Variants in OR13A1 observed in about 807,000 individuals in gnomAD.
OR13A1 encodes olfactory receptor family 13 subfamily A member 1.
In OR13A1, 10 loss-of-function variants were observed where a neutral mutation model predicts 7.5. The observed-to-expected ratio is 1.34, with a 90% CI of 0.83 to 2.27. The LOEUF (loss-of-function observed/expected upper bound fraction) is 2.27. OR13A1 is among the 30% of genes most tolerant of loss of function. OR13A1 has a pLI of 0.00. For missense variants in OR13A1, 509 were observed against 419.1 expected (o/e 1.21, Z -1.87); for synonymous variants, 238 against 177.9 (o/e 1.34, Z -2.69).
At chr10:45,314,079 TA>T (rs1838486536) in intron 1 of OR13A1, among the ~76,000 whole-genome samples, 1 of 151,918 alleles carries the variant, frequency 6.6e-6, no homozygotes, top group Admixed American at 6.6e-5. Flanking sequence ...GAAAATGACA[TA>T]AAACTAGACA....
chr10:45,305,816 C>A (rs1163788008), intron 3 of OR13A1, among the ~76,000 whole-genome samples: 1 of 152,320 alleles, frequency 6.6e-6, no homozygotes, highest in African/African-American at 2.4e-5. Flanking sequence ...CATCCCTTCC[C>A]TGGGGAGAAA....
chr10:45,308,862 G>C (rs185256580), intron 1 of OR13A1: 1 of 152,158 alleles, frequency 6.6e-6, no homozygotes, highest in Non-Finnish European at 1.5e-5. Flanking sequence ...GTTCAGGACT[G>C]AACAAGGTTT....
At position 45,304,126 on chromosome 10, in the gene OR13A1, C is replaced by T. The variant is rs369298405; in HGVS notation, c.297G>A (p.Ala99=). The change falls in exon 4 of 4, where the codon GCG becomes GCA. Residue 99 remains alanine, a synonymous_variant. Transcript: ENST00000553795. The part of the protein sequence containing the change: ...IICTSSIMPK[A]LASLVSEESS... ...TCTCTTCCGACACCAGACTGGCCAG[C>T]GCCTTGGGCATGATGGAAGAGGTGC... 8.7e-6 allele frequency: 14 copies of T among 1,614,030 alleles called. No homozygotes were observed. In the African/African-American group the frequency reaches 1.3e-4, roughly 15 times the overall value.
rs1588940324 is a variant in OR13A1, at chr10:45,303,828, C to A, written c.595G>T (p.Val199Phe). The A allele has an allele frequency of 6.2e-7, 1 of 1,612,926 alleles. No homozygotes were observed. The highest frequency in any genetic ancestry group is 1.3e-5 in the African/African-American group (1 of 75,050). Reference protein sequence around the residue: ...PNVIIHFFCEVPPLLLLSCSS... With the variant: ...PNVIIHFFCEFPPLLLLSCSS... ...CAGGAGAGAAGCAGCAGGGGAGGGA[C>A]CTCGCAGAAGAAATGGATAATGACA... Residue 199 changes from valine (V) to phenylalanine (F), a missense_variant, in exon 4 of 4, where the codon GTC becomes TTC. By Grantham distance (50) the Val-to-Phe change is conservative. Coordinates refer to ENST00000553795, the MANE Select transcript of OR13A1 (RefSeq NM_001004297.3).
chr10:45,310,336 A>G (rs1431643112), intron 1 of OR13A1, among the ~76,000 whole-genome samples: 6 of 152,212 alleles, frequency 3.9e-5, no homozygotes, highest in Non-Finnish European at 8.8e-5. Context: ...CCACTAAGTC[A>G]TTAAAGGATT....
At position 45,302,679 on chromosome 10, in the gene OR13A1, G is replaced by C. The variant is rs1838229497; in HGVS notation, c.*757C>G. 1.3e-5 allele frequency: 2 copies of C among 152,150 alleles called. No individual in the cohort carries two copies. Among genetic ancestry groups the C allele is most frequent in the Non-Finnish European group, 2.9e-5 (2 of 68,032 alleles). 9.4% of individuals were successfully genotyped at this position (152,150 alleles called of 1,614,324 possible). On this transcript the variant is annotated 3_prime_UTR_variant, in exon 4 of 4. Coordinates refer to ENST00000553795, the MANE Select transcript of OR13A1 (RefSeq NM_001004297.3). ...GTAATAGCATGGAGCACAAGCACAA[G>C]ACCTGTCTTTATTAGACACAGAGGA...
In OR13A1 at chr10:45,304,306, T is replaced by C. The variant is rs1838283816; in HGVS notation, c.117A>G (p.Pro39=). The change falls in exon 4 of 4, where the codon CCA becomes CCG. Residue 39 remains proline, a synonymous_variant. Coordinates refer to ENST00000553795, the MANE Select transcript of OR13A1 (RefSeq NM_001004297.3). ...EFILQGFSEH[P]EYRVFLFSCF... ...AGCTGAATAAGAACACCCGGTATTC[T>C]GGGTGCTCCGAAAAGCCCTGCAGGA... 1 of 1,614,158 alleles carries C rather than the reference T, an allele frequency of 6.2e-7. No homozygotes were observed. The highest frequency in any genetic ancestry group is 8.5e-7 in the Non-Finnish European group (1 of 1,180,006).
chr10:45,305,782 C>T (rs769895354), intron 3 of OR13A1, among the ~76,000 whole-genome samples: 1 of 152,236 alleles, frequency 6.6e-6, no homozygotes, highest in Non-Finnish European at 1.5e-5. Flanking sequence ...GAACCAGGGA[C>T]ATAATCAGCC....
chr10:45,307,830 C>T (rs1838365963), intron 1 of OR13A1, 22 bp from the exon 2 acceptor site: 1 of 152,146 alleles, frequency 6.6e-6, no homozygotes, highest in Admixed American at 6.6e-5. Flanking sequence ...AAAAAGGCAT[C>T]TTGGATTACA....
At chr10:45,314,104 G>A (rs1283784627) in intron 1 of OR13A1, among the ~76,000 whole-genome samples, 3 of 152,000 alleles carry the variant, frequency 2.0e-5, no homozygotes, top group Non-Finnish European at 4.4e-5. Context: ...GTAGCAGAAG[G>A]AAAACAAAAA....
intron 3 of OR13A1, among the ~76,000 whole-genome samples, chr10:45,307,200 A>G (rs1024373921): frequency 6.6e-6 from 1 of 152,202 alleles, no homozygotes; most frequent in Admixed American, 6.5e-5. Context: ...CCATCACTGA[A>G]CACCTACCAA....
At chr10:45,304,966 T>C (rs2133036866) in intron 3 of OR13A1, among the ~76,000 whole-genome samples, 1 of 152,272 alleles carries the variant, frequency 6.6e-6, no homozygotes, top group South Asian at 2.1e-4. Context: ...TTACTGATGC[T>C]TTTAAAAGGA....
intron 1 of OR13A1, among the ~76,000 whole-genome samples, chr10:45,312,042 A>T (rs1308968439): frequency 1.3e-5 from 2 of 152,150 alleles, no homozygotes; most frequent in Non-Finnish European, 2.9e-5. Flanking sequence ...ATTAGGGAAA[A>T]GTATAATAAA....
chr10:45,303,580 G>A lies in OR13A1; in HGVS notation c.843C>T (p.Val281=), dbSNP rs1490937710. The change falls in exon 4 of 4, where the codon GTC becomes GTT. Residue 281 remains valine, a synonymous_variant. Coordinates refer to ENST00000553795, the MANE Select transcript of OR13A1 (RefSeq NM_001004297.3). ...TAVFYAYISP[V]SGYSAGKSKL... is the part of the protein sequence containing the mutation. ...TGCTCTTCCCTGCGCTGTAGCCAGA[G>A]ACCGGGCTTATGTAGGCGTAGAAGA... is the stretch of plus-strand genomic sequence containing the variant. The A allele has an allele frequency of 6.2e-7, 1 of 1,614,050 alleles. No homozygotes were observed. The highest frequency in any genetic ancestry group is 8.5e-7 in the Non-Finnish European group (1 of 1,180,052).
In OR13A1 at chr10:45,302,879, A is replaced by C. The variant is rs1838235449; in HGVS notation, c.*557T>G. 6.6e-6 allele frequency: 1 copy of C among 152,496 alleles called. No homozygotes were observed. Among genetic ancestry groups the C allele is most frequent in the African/African-American group, 2.4e-5 (1 of 41,472 alleles). 9.4% of individuals were successfully genotyped at this position (152,496 alleles called of 1,614,324 possible). A position where few individuals can be genotyped will look rare whatever the true frequency, so the allele number is the denominator to read the frequency against. On this transcript the variant is annotated 3_prime_UTR_variant, in exon 4 of 4. Transcript: ENST00000553795. The stretch of plus-strand genomic sequence containing the variant: ...AAGAAAAGACAAAAGCAGAAACAAC[A>C]GTTTGCATTAAAATCAAACTATTTT...
intron 1 of OR13A1, among the ~76,000 whole-genome samples, chr10:45,309,849 G>A (rs1014701367): frequency 2.6e-5 from 4 of 152,084 alleles, no homozygotes; most frequent in Admixed American, 2.6e-4. Context: ...TTCATTAATG[G>A]CTTTGAGACT....
At chr10:45,307,340 T>C (rs1838352888) in intron 3 of OR13A1, 86 bp downstream of exon 3, 1 of 152,220 alleles carries the variant, frequency 6.6e-6, no homozygotes, top group Admixed American at 6.5e-5. Context: ...GCAATACAAA[T>C]GGATGTTTTG....
intron 1 of OR13A1, among the ~76,000 whole-genome samples, chr10:45,314,232 C>A (rs777243588): frequency 2.0e-5 from 3 of 151,840 alleles, no homozygotes; most frequent in African/African-American, 2.4e-5. Flanking sequence ...ATACAATGTA[C>A]CAAAATGTGT....
intron 2 of OR13A1, 54 bp from the exon 3 acceptor site, chr10:45,307,621 A>G (rs887212570): frequency 1.3e-5 from 2 of 152,244 alleles, no homozygotes; most frequent in Non-Finnish European, 2.9e-5. Flanking sequence ...ATTTGCTTCA[A>G]TTCTCAGCCA....
Sources: gnomAD v4.1 joint callset for allele counts (sites outside exome capture counted in the v4.1 genomes callset) on GRCh38, gnomAD v4.1.1 for gene constraint, MANE v1.5 for transcripts, NCBI Gene and HGNC (gene_info 2026-07-23, HGNC 2026-07-21) for gene names.